The following SLC12A6 variants were observed in gnomAD, a reference collection of about 807,000 sequenced individuals.
SLC12A6 encodes K-Cl cotransporter 3.
SLC12A6 carries 66 observed loss-of-function variants against 135.3 expected under a neutral mutation model. The observed-to-expected ratio is 0.49, with a 90% confidence interval of 0.40 to 0.60. SLC12A6 has a LOEUF of 0.60. Among genes scored for constraint, SLC12A6 ranks in the 20% least tolerant of loss-of-function variants. The pLI is 0.00. For missense variants in SLC12A6, 1,058 were observed against 1,452.3 expected (o/e 0.73, Z 4.41); for synonymous variants, 513 against 508.8 (o/e 1.01, Z -0.11).
chr15:34,331,797 G>C (rs1162781759), intron 2 of SLC12A6, among the ~76,000 whole-genome samples: 1 of 152,088 alleles, frequency 6.6e-6, no homozygotes, highest in East Asian at 1.9e-4. Context: ...AATCAGAAAA[G>C]GTTTCAGAGA....
intron 2 of SLC12A6, among the ~76,000 whole-genome samples, chr15:34,305,285 T>C (rs10468070): frequency 0.039 from 5,967 of 152,264 alleles, 216 homozygotes; most frequent in African/African-American, 0.098. Flanking sequence ...TTTTATGTTG[T>C]TTAATTATTC....
Position 34,305,931 on chromosome 15 carries a change from G to A in SLC12A6, c.271+30479C>T, listed in dbSNP as rs138635543. Among the ~76,000 whole-genome samples, 1,029 of 151,936 alleles carry A rather than the reference G, an allele frequency of 6.8e-3. 7 individuals carry two copies. The highest frequency in any genetic ancestry group is 9.1e-3 in the Non-Finnish European group (618 of 67,964). On this transcript the variant is annotated intron_variant, in intron 2 of 25. Transcript: ENST00000354181. Reference sequence around the variant, plus strand: ...CACCACCGCGCCCGGCTAATTTTTTGTATCTTTTTTTAGTAGAGATGGGGT... The same window carrying A: ...CACCACCGCGCCCGGCTAATTTTTTATATCTTTTTTTAGTAGAGATGGGGT...
At chr15:34,259,706 G>A (rs1892983702) in intron 4 of SLC12A6, among the ~76,000 whole-genome samples, 1 of 152,194 alleles carries the variant, frequency 6.6e-6, no homozygotes, top group African/African-American at 2.4e-5. Context: ...CCAGAAAAAG[G>A]TAGTGCTGAA....
At chr15:34,291,749 T>C (rs1041075566) in intron 2 of SLC12A6, among the ~76,000 whole-genome samples, 1 of 152,114 alleles carries the variant, frequency 6.6e-6, no homozygotes, top group African/African-American at 2.4e-5. Context: ...CGATCACTGA[T>C]ATCCTTTCTT....
At chr15:34,249,969 A>G (rs1892273111) in intron 13 of SLC12A6, among the ~76,000 whole-genome samples, 2 of 152,182 alleles carry the variant, frequency 1.3e-5, no homozygotes, top group South Asian at 2.1e-4. Context: ...CGGTGGCACA[A>G]TCATGGCTCA....
In SLC12A6 at chr15:34,258,872, C is replaced by T. The variant is rs1892929380; in HGVS notation, c.484G>A (p.Gly162Arg). The change falls in exon 5 of 26, where the codon GGA becomes AGA. Residue 162 changes from glycine (G) to arginine (R), a missense_variant. Physicochemically the swap from Gly to Arg is moderately radical, Grantham distance 125 (BLOSUM62 -2). This residue lies in a region of SLC12A6 where 139 missense variants were observed against 202.2 expected (regional missense o/e 0.69). Coordinates refer to ENST00000354181, the MANE Select transcript of SLC12A6 (RefSeq NM_001365088.1). ...TCTGCCTCTTCATGTTCCTTTGCTC[C>T]TTGAGTCAGATTAGTGTAATTGGCC... ...RMANYTNLTQ[G>R]AKEHEEAENI... 2 of 1,613,124 alleles carry T rather than the reference C, an allele frequency of 1.2e-6. No individual in the cohort carries two copies. The highest frequency in any genetic ancestry group is 1.7e-6 in the Non-Finnish European group (2 of 1,179,156).
At chr15:34,270,986 C>T (rs1174269067) in intron 3 of SLC12A6, among the ~76,000 whole-genome samples, 1 of 151,980 alleles carries the variant, frequency 6.6e-6, no homozygotes, top group Non-Finnish European at 1.5e-5. Context: ...ATGCGTGATG[C>T]TTATAAAACC....
intron 4 of SLC12A6, among the ~76,000 whole-genome samples, chr15:34,259,357 T>C (rs1162041311): frequency 2.1e-5 from 3 of 145,214 alleles, no homozygotes; most frequent in East Asian, 2.0e-4. Flanking sequence ...AAAAAAAAAA[T>C]TGGTACATTG....
intron 2 of SLC12A6, among the ~76,000 whole-genome samples, chr15:34,275,921 G>A (rs1284740682): frequency 6.6e-6 from 1 of 152,082 alleles, no homozygotes; most frequent in African/African-American, 2.4e-5. Flanking sequence ...TTATGGAGAT[G>A]GAAAGCAGAT....
chr15:34,241,517 A>G (rs1269479894), intron 17 of SLC12A6, among the ~76,000 whole-genome samples, 180 bp from the exon 18 acceptor site: 1 of 152,244 alleles, frequency 6.6e-6, no homozygotes, highest in East Asian at 1.9e-4. Context: ...GTAGATCAAC[A>G]GCACCAACAG....
intron 2 of SLC12A6, chr15:34,318,460 T>C (rs1888807693): frequency 1.1e-6 from 1 of 942,588 alleles, no homozygotes; most frequent in African/African-American, 1.6e-5. Context: ...ACCACAACAC[T>C]TTTCTCTGTC....
At chr15:34,288,321 C>T (rs551147485) in intron 2 of SLC12A6, among the ~76,000 whole-genome samples, 99 of 152,152 alleles carry the variant, frequency 6.5e-4, no homozygotes, top group Non-Finnish European at 5.9e-4. Flanking sequence ...CTGAGGCCTC[C>T]GTTCTGTTCC....
intron 2 of SLC12A6, among the ~76,000 whole-genome samples, chr15:34,303,025 C>T (rs1429655819): frequency 6.8e-6 from 1 of 147,916 alleles, no homozygotes; most frequent in African/African-American, 2.5e-5. Context: ...AATTATTTTT[C>T]ATGCACTGTG....
At chr15:34,238,917 T>C in intron 20 of SLC12A6, 48 bp downstream of exon 20, 1 of 1,480,704 alleles carries the variant, frequency 6.8e-7, no homozygotes, top group Non-Finnish European at 9.5e-7. Context: ...GATTTAACTA[T>C]ATACCCTCGA....
chr15:34,259,808 C>A (rs1334731919), intron 4 of SLC12A6, among the ~76,000 whole-genome samples: 1 of 152,156 alleles, frequency 6.6e-6, no homozygotes, highest in Non-Finnish European at 1.5e-5. Flanking sequence ...TATAGAAGTC[C>A]TCTTCATTAT....
rs1890996385 is a variant in SLC12A6 at position 34,232,206 on chromosome 15, G to C, written c.*1675C>G. On this transcript the variant is annotated 3_prime_UTR_variant, in exon 26 of 26. Coordinates refer to ENST00000354181, the MANE Select transcript of SLC12A6 (RefSeq NM_001365088.1). ...TCAGTATATTAGTAAATAAAAAGCT[G>C]AGCTTACACAAGTATTTCCTTGGCA... The C allele has an allele frequency of 2.6e-5, 4 of 152,116 alleles. No individual in the cohort carries two copies. Among genetic ancestry groups the C allele is most frequent in the Admixed American group, 2.0e-4 (3 of 15,266 alleles). The allele number at this position is 152,116 out of a possible 1,614,324, so 9.4% of individuals were successfully genotyped here.
chr15:34,298,883 T>C lies in SLC12A6; in HGVS notation c.272-23494A>G, dbSNP rs993759684. Among the ~76,000 whole-genome samples, 10 of 152,136 alleles carry C rather than the reference T, an allele frequency of 6.6e-5. 1 individual carries two copies. Among genetic ancestry groups the C allele is most frequent in the Admixed American group, 2.6e-4 (4 of 15,270 alleles). On this transcript the variant is annotated intron_variant, in intron 2 of 25. Coordinates refer to ENST00000354181, the MANE Select transcript of SLC12A6 (RefSeq NM_001365088.1). ...TCAGCTTAGACCAATTGCCACCAAT[T>C]CTCCCATCTTCAAACAATCCTACAT...
At chr15:34,331,561 T>C (rs991234665) in intron 2 of SLC12A6, among the ~76,000 whole-genome samples, 3 of 152,228 alleles carry the variant, frequency 2.0e-5, no homozygotes, top group African/African-American at 7.2e-5. Flanking sequence ...GTCTCTTGTT[T>C]TTAAGTCTAC....
intron 2 of SLC12A6, among the ~76,000 whole-genome samples, chr15:34,284,807 T>C (rs1038738299): frequency 6.6e-6 from 1 of 150,482 alleles, no homozygotes; most frequent in Non-Finnish European, 1.5e-5. Flanking sequence ...AGTGGGAGAG[T>C]GGTTTGTGTG....
Sources: allele counts gnomAD v4.1 joint callset (sites outside exome capture counted in the v4.1 genomes callset), GRCh38; gene constraint gnomAD v4.1.1; regional missense constraint gnomAD v4.1.1; transcripts MANE v1.5; gene names NCBI Gene and HGNC (gene_info 2026-07-23, HGNC 2026-07-21).